The following HOXA13 variants were observed in gnomAD, a reference collection of about 807,000 sequenced individuals.
The protein encoded by HOXA13 is homeobox protein Hox-A13.
In HOXA13, 5 loss-of-function variants were observed where a neutral mutation model predicts 25.7. The observed-to-expected ratio is 0.19, with a 90% CI of 0.10 to 0.41. HOXA13 has a LOEUF of 0.41. Ranked by LOEUF, HOXA13 falls within the 10% of genes least tolerant of loss-of-function variation. HOXA13 has a pLI of 1.00. For synonymous variants in HOXA13, 284 were observed against 241.1 expected (o/e 1.18, Z -1.65); for missense variants, 557 against 533.5 (o/e 1.04, Z -0.43).
At chr7:27,198,599 G>A in intron 1 of HOXA13, 157 bp from the exon 2 acceptor site, 1 of 834,864 alleles carries the variant, frequency 1.2e-6, no homozygotes, top group Non-Finnish European at 1.9e-6. Context: ...GGGTCAGTGG[G>A]GAAGGTAGTT....
rs866918603 is a variant in HOXA13, at chr7:27,199,570, G to A, written c.508C>T (p.Pro170Ser). The change falls in exon 1 of 2, where the codon CCC (proline) becomes TCC (serine). Residue 170 changes from proline (P) to serine (S), a missense_variant. By Grantham distance (74) the Pro-to-Ser change is moderately conservative. Transcript: ENST00000649031. ...TAGCCGCTGCCGAAGTAGCCATAGG[G>A]CAGCGCCGCGGGCCCCGACGAGCTC... ...AQSSSGPAALPYGYFGSGYYP... is the reference protein window; with the variant it reads ...AQSSSGPAALSYGYFGSGYYP... The A allele has an allele frequency of 6.5e-7, 1 of 1,543,048 alleles. No homozygotes were observed. The highest frequency in any genetic ancestry group is 8.7e-7 in the Non-Finnish European group (1 of 1,147,350).
At position 27,199,086 on chromosome 7, in the gene HOXA13, C is replaced by A. The variant is rs1037721621; in HGVS notation, c.922+70G>T. The A allele has an allele frequency of 2.7e-6, 4 of 1,488,298 alleles. No individual in the cohort carries two copies. In the African/African-American group the frequency reaches 4.2e-5, roughly 16 times the overall value. The allele number at this position is 1,488,298 out of a possible 1,614,324, so 92.2% of individuals were successfully genotyped here. ...GAGAACAGAAACGCACCCGGGATCGCCCGGGTGCGAGCGGAGAAGAAGCTG... is the reference window on the plus strand; with the variant it reads ...GAGAACAGAAACGCACCCGGGATCGACCGGGTGCGAGCGGAGAAGAAGCTG... On this transcript the variant is annotated intron_variant, in intron 1 of 1. Transcript: ENST00000649031.
rs2115471585 is a variant in HOXA13 at position 27,198,431 on chromosome 7, G to A, written c.934C>T (p.His312Tyr). ...CTATAGGAGCTGGCATCCGAGGGAT[G>A]GGAGACCACGTCTAGAAGACAAGGG... ...WKSTLPDVVSHPSDASSYRRG... is the reference protein window; with the variant it reads ...WKSTLPDVVSYPSDASSYRRG... The change falls in exon 2 of 2, where the codon CAT (histidine) becomes TAT (tyrosine). Residue 312 changes from histidine (H) to tyrosine (Y), a missense_variant. Physicochemically the swap from His to Tyr is moderately conservative, Grantham distance 83. Coordinates refer to ENST00000649031, the MANE Select transcript of HOXA13 (RefSeq NM_000522.5). 6.2e-7 allele frequency: 1 copy of A among 1,613,956 alleles called. No individual in the cohort carries two copies. The highest frequency in any genetic ancestry group is 8.5e-7 in the Non-Finnish European group (1 of 1,180,030).
Position 27,199,447 on chromosome 7 carries a change from T to A in HOXA13, c.631A>T (p.Met211Leu), listed in dbSNP as rs752041763. 7 of 1,613,516 alleles carry A rather than the reference T, an allele frequency of 4.3e-6. No individual in the cohort carries two copies. Among genetic ancestry groups the A allele is most frequent in the South Asian group, 1.1e-5 (1 of 91,088 alleles). Residue 211 changes from methionine (M) to leucine (L), a missense_variant, in exon 1 of 2, where the codon ATG becomes TTG. Physicochemically the swap from Met to Leu is conservative, Grantham distance 15 (BLOSUM62 2). Coordinates refer to ENST00000649031, the MANE Select transcript of HOXA13 (RefSeq NM_000522.5). ...TCGGCAGCTGGGCCGGCGGTATCCA[T>A]GTACTTGTCCGCGAAGGCGGCGGCG... Reference protein sequence around the residue: ...AAAAAFADKYMDTAGPAAEEF... With the variant: ...AAAAAFADKYLDTAGPAAEEF...
rs922506555 is a variant in HOXA13 at position 27,199,040 on chromosome 7, G to A, written c.922+116C>T. The A allele has an allele frequency of 1.1e-5, 11 of 1,005,432 alleles. No homozygotes were observed. The Admixed American group carries it at 1.3e-4, about 12-fold the overall frequency. 62.3% of individuals were successfully genotyped at this position (1,005,432 alleles called of 1,614,324 possible). ...ATGCTCGGGCTCCCAGGGGTGCAGA[G>A]CCGCTAGGGCAGACCAGGAAGAGAA... On this transcript the variant is annotated intron_variant, in intron 1 of 1. Transcript: ENST00000649031.
At position 27,199,705 on chromosome 7, in the gene HOXA13, C is replaced by A; in HGVS notation, c.373G>T (p.Ala125Ser). ...SAAAAAAAAA[A>S]AAAAAAAASS... ...GCGGCGGCGGCGGCGGCGGCTGCAG[C>A]GGCAGCCGCGGCAGCAGCGGCGGCA... The change falls in exon 1 of 2, where the codon GCT (alanine) becomes TCT (serine). Residue 125 changes from alanine (A) to serine (S), a missense_variant. Coordinates refer to ENST00000649031, the MANE Select transcript of HOXA13 (RefSeq NM_000522.5). 1.9e-6 allele frequency: 2 copies of A among 1,026,088 alleles called. No individual in the cohort carries two copies. The highest frequency in any genetic ancestry group is 2.3e-6 in the Non-Finnish European group (2 of 857,882). The allele number at this position is 1,026,088 out of a possible 1,614,324, so 63.6% of individuals were successfully genotyped here.
rs1304211655 is a variant in HOXA13 at position 27,196,546 on chromosome 7, A to G, written c.*1652T>C. The G allele has an allele frequency of 1.3e-5, 2 of 152,248 alleles. No individual in the cohort carries two copies. The highest frequency in any genetic ancestry group is 4.8e-5 in the African/African-American group (2 of 41,464). The allele number at this position is 152,248 out of a possible 1,614,324, so 9.4% of individuals were successfully genotyped here. ...CTCAGACACATGCAGACCCAACAGC[A>G]GATTTTAAAATACGACAGCCTAGGC... On this transcript the variant is annotated 3_prime_UTR_variant, in exon 2 of 2. Transcript: ENST00000649031.
Position 27,197,993 on chromosome 7 carries a change from A to C in HOXA13, c.*205T>G, listed in dbSNP as rs2115470817. On this transcript the variant is annotated 3_prime_UTR_variant, in exon 2 of 2. Coordinates refer to ENST00000649031, the MANE Select transcript of HOXA13 (RefSeq NM_000522.5). ...TGATGGGGTTGGCGGAAGAACTGGC[A>C]GTCTTTACCTTTCTTAAAGTTTTAA... The C allele has an allele frequency of 1.6e-6, 1 of 635,868 alleles. No individual in the cohort carries two copies. The highest frequency in any genetic ancestry group is 2.8e-5 in the East Asian group (1 of 36,022). 39.4% of individuals were successfully genotyped at this position (635,868 alleles called of 1,614,324 possible).
Position 27,198,869 on chromosome 7 carries a change from C to T in HOXA13, c.922+287G>A, listed in dbSNP as rs1784043214. ...TGGGGAGCTGTTTTCTGGTCAATTT[C>T]TCATCCTTAAATTGGTGTCAGGGGC... On this transcript the variant is annotated intron_variant, in intron 1 of 1. Coordinates refer to ENST00000649031, the MANE Select transcript of HOXA13 (RefSeq NM_000522.5). 2.1e-5 allele frequency: 11 copies of T among 516,542 alleles called. No homozygotes were observed. In the East Asian group the frequency reaches 3.3e-4, roughly 16 times the overall value. The allele number at this position is 516,542 out of a possible 1,614,324, so 32.0% of individuals were successfully genotyped here.
chr7:27,198,606 A>C, intron 1 of HOXA13, 164 bp from the exon 2 acceptor site: 1 of 791,114 alleles, frequency 1.3e-6, no homozygotes. Flanking sequence ...TGGGGAAGGT[A>C]GTTAGTTCTG....
In HOXA13 at chr7:27,200,000, C is replaced by G. The variant is rs990905510; in HGVS notation, c.78G>C (p.Leu26=). Residue 26 remains leucine (L), a synonymous_variant, in exon 1 of 2, where the codon CTG becomes CTC. Transcript: ENST00000649031. ...VMFLYDNGGG[L]VADELNKNME... ...TGTTCTTGTTGAGCTCGTCGGCCAC[C>G]AGGCCGCCGCCGTTGTCGTAGAGAA... The G allele has an allele frequency of 7.4e-6, 11 of 1,483,760 alleles. No homozygotes were observed. The highest frequency in any genetic ancestry group is 2.9e-5 in the African/African-American group (2 of 68,510). 91.9% of individuals were successfully genotyped at this position (1,483,760 alleles called of 1,614,324 possible).
chr7:27,199,219 C>T lies in HOXA13; in HGVS notation c.859G>A (p.Gly287Ser), dbSNP rs145935388. Residue 287 changes from glycine (G) to serine (S), a missense_variant, in exon 1 of 2, where the codon GGC (glycine) becomes AGC (serine). Physicochemically the swap from Gly to Ser is moderately conservative, Grantham distance 56. Coordinates refer to ENST00000649031, the MANE Select transcript of HOXA13 (RefSeq NM_000522.5). ...QPWALPNGWN[G>S]QMYCPKEQAQ... ...TGCTCTTTGGGGCAGTACATTTGGC[C>T]GTTCCAGCCGTTGGGCAGCGCCCAG... 58 of 1,613,492 alleles carry T rather than the reference C, an allele frequency of 3.6e-5. No individual in the cohort carries two copies. Among genetic ancestry groups the T allele is most frequent in the African/African-American group, 1.5e-4 (11 of 75,012 alleles).
Position 27,196,114 on chromosome 7 carries a change from C to T in HOXA13, c.*2084G>A, listed in dbSNP as rs1004279498. 3 of 152,132 alleles carry T rather than the reference C, an allele frequency of 2.0e-5. No homozygotes were observed. The highest frequency in any genetic ancestry group is 7.2e-5 in the African/African-American group (3 of 41,410). 9.4% of individuals were successfully genotyped at this position (152,132 alleles called of 1,614,324 possible). A position where few individuals can be genotyped will look rare whatever the true frequency, so the allele number is the denominator to read the frequency against. On this transcript the variant is annotated 3_prime_UTR_variant, in exon 2 of 2. Coordinates refer to ENST00000649031, the MANE Select transcript of HOXA13 (RefSeq NM_000522.5). ...AATCACCTTAAATTACAATATCTTGCGTCATTAGCAATTAATGATATGATA... is the reference window on the plus strand; with the variant it reads ...AATCACCTTAAATTACAATATCTTGTGTCATTAGCAATTAATGATATGATA...
At position 27,196,041 on chromosome 7, in the gene HOXA13, G is replaced by C. The variant is rs1056692177; in HGVS notation, c.*2157C>G. The C allele has an allele frequency of 1.3e-4, 20 of 152,194 alleles. No individual in the cohort carries two copies. The highest frequency in any genetic ancestry group is 6.5e-4 in the Admixed American group (10 of 15,282). The allele number at this position is 152,194 out of a possible 1,614,324, so 9.4% of individuals were successfully genotyped here. A position where few individuals can be genotyped will look rare whatever the true frequency, so the allele number is the denominator to read the frequency against. On this transcript the variant is annotated 3_prime_UTR_variant, in exon 2 of 2. Transcript: ENST00000649031. The stretch of plus-strand genomic sequence containing the variant: ...AATCAAATTTGGCCATTAGAGAAAA[G>C]GAACAAGGCTTCATCTTGTAAAGTA...
chr7:27,199,660 C>G lies in HOXA13; in HGVS notation c.418G>C (p.Gly140Arg). Reference protein sequence around the residue: ...AAAASSSGGPGPAGPAGAEAA... With the variant: ...AAAASSSGGPRPAGPAGAEAA... Reference sequence around the variant, plus strand: ...TCTGCGCCCGCCGGGCCCGCCGGGCCGGGACCTCCCGAGGACGACGCGGCG... The same window carrying G: ...TCTGCGCCCGCCGGGCCCGCCGGGCGGGGACCTCCCGAGGACGACGCGGCG... The change falls in exon 1 of 2, where the codon GGC becomes CGC. Residue 140 changes from glycine (G) to arginine (R), a missense_variant. Gly to Arg is a moderately radical substitution (Grantham distance 125). Coordinates refer to ENST00000649031, the MANE Select transcript of HOXA13 (RefSeq NM_000522.5). 8.1e-7 allele frequency: 1 copy of G among 1,239,564 alleles called. No individual in the cohort carries two copies. The highest frequency in any genetic ancestry group is 1.0e-6 in the Non-Finnish European group (1 of 995,684). The allele number at this position is 1,239,564 out of a possible 1,614,324, so 76.8% of individuals were successfully genotyped here.
chr7:27,199,095 G>C (rs1026532844), intron 1 of HOXA13, 61 bp downstream of exon 1: 4 of 1,523,192 alleles, frequency 2.6e-6, no homozygotes, highest in South Asian at 2.4e-5. Context: ...GCCCGGGTGC[G>C]AGCGGAGAAG....
Position 27,198,170 on chromosome 7 carries a change from G to A in HOXA13, c.*28C>T. 1 of 1,613,256 alleles carries A rather than the reference G, an allele frequency of 6.2e-7. No individual in the cohort carries two copies. Among genetic ancestry groups the A allele is most frequent in the Non-Finnish European group, 8.5e-7 (1 of 1,179,302 alleles). On this transcript the variant is annotated 3_prime_UTR_variant, in exon 2 of 2. Transcript: ENST00000649031. ...AACGAGTTCTGAAGCGTTTCTTCAA[G>A]TTGCCTTCTTGCTCTATTTTTAATC...
At position 27,199,475 on chromosome 7, in the gene HOXA13, G is replaced by A. The variant is rs1206539877; in HGVS notation, c.603C>T (p.Ala201=). 3 of 1,611,282 alleles carry A rather than the reference G, an allele frequency of 1.9e-6. No homozygotes were observed. The highest frequency in any genetic ancestry group is 2.5e-6 in the Non-Finnish European group (3 of 1,179,156). Residue 201 remains alanine, a synonymous_variant, in exon 1 of 2, where the codon GCC becomes GCT. Transcript: ENST00000649031. ...ACTTGTCCGCGAAGGCGGCGGCGGC[G>A]GCGGCCGAGGCGGGCTGCGCGCACG... ...IKSCAQPASA[A]AAAAFADKYM...
chr7:27,198,735 G>C (rs547560209), intron 1 of HOXA13: 39 of 545,378 alleles, frequency 7.2e-5, no homozygotes, highest in African/African-American at 6.2e-4. Context: ...TTAGCGCCAG[G>C]CTCAAGGTAC....
Sources: gnomAD v4.1 joint callset for allele counts on GRCh38, gnomAD v4.1.1 for gene constraint, MANE v1.5 for transcripts, NCBI Gene and HGNC (gene_info 2026-07-23, HGNC 2026-07-21) for gene names.